The following KTN1 variants were observed in gnomAD, a reference collection of about 807,000 sequenced individuals.
The protein encoded by KTN1 is kinectin 1, also known as kinectin.
Under a neutral mutation model 222.5 loss-of-function variants are expected in KTN1, and 130 were observed. The ratio of observed to expected loss-of-function variants is 0.58; its 90% confidence interval spans 0.51 to 0.68. The LOEUF is 0.68. KTN1 is among the 30% of genes least tolerant of loss of function. The probability of loss-of-function intolerance (pLI) is 0.00; values close to 1 mark genes in which losing one functional copy is unlikely to be tolerated. For synonymous variants in KTN1, 512 were observed against 496.3 expected, an observed-to-expected ratio of 1.03 and a Z score of -0.42; for missense variants, 1,508 against 1,500.4, an observed-to-expected ratio of 1.01 and a Z score of -0.08.
intron 1 of KTN1, among the ~76,000 whole-genome samples, chr14:55,585,907 AT>A (rs1411098924): frequency 6.6e-6 from 1 of 152,164 alleles, no homozygotes; most frequent in African/African-American, 2.4e-5. Flanking sequence ...ATTTACCCTT[AT>A]TTCTTTATTT....
chr14:55,584,940 C>T (rs183933236), intron 1 of KTN1, among the ~76,000 whole-genome samples: 19 of 152,068 alleles, frequency 1.2e-4, no homozygotes, highest in African/African-American at 4.6e-4. Context: ...TGGGACCAGC[C>T]TGGGCAACGT....
intron 22 of KTN1, 142 bp from the exon 23 acceptor site, chr14:55,650,186 C>T: frequency 1.5e-6 from 1 of 659,066 alleles, no homozygotes; most frequent in East Asian, 2.6e-5. Context: ...TCACCCTGGC[C>T]ATTCTACAAA....
chr14:55,680,846 G>A (rs1595353955), intron 43 of KTN1: 6 of 530,774 alleles, frequency 1.1e-5, no homozygotes, highest in South Asian at 6.7e-5. Flanking sequence ...TCCTTGGTAA[G>A]CTGACTTCTC....
intron 9 of KTN1, 69 bp downstream of exon 9, chr14:55,634,727 G>C: frequency 1.4e-6 from 2 of 1,386,076 alleles, no homozygotes; most frequent in Non-Finnish European, 2.0e-6. Flanking sequence ...TTTCATACTG[G>C]TATGAAGAAC....
At chr14:55,671,911 C>A in intron 37 of KTN1, 34 bp downstream of exon 37, 1 of 1,260,720 alleles carries the variant, frequency 7.9e-7, no homozygotes. Context: ...AGCAGTGGTT[C>A]TCGATGTGTG....
chr14:55,596,425 G>A (rs2035050241), intron 1 of KTN1, among the ~76,000 whole-genome samples: 1 of 152,102 alleles, frequency 6.6e-6, no homozygotes. Context: ...TCTGTTGAAG[G>A]CAACATCTGT....
chr14:55,641,002 T>C, intron 16 of KTN1, 32 bp downstream of exon 16: 1 of 1,566,472 alleles, frequency 6.4e-7, no homozygotes, highest in Non-Finnish European at 8.8e-7. Context: ...TAGTCGTTCA[T>C]ACATTTATGT....
Position 55,637,475 on chromosome 14 carries a change from T to C in KTN1, c.1716+111T>C, listed in dbSNP as rs555738810. 21 of 803,798 alleles carry C rather than the reference T, an allele frequency of 2.6e-5. No individual in the cohort carries two copies. The South Asian group carries it at 4.6e-4, about 18-fold the overall frequency. 49.8% of individuals were successfully genotyped at this position (803,798 alleles called of 1,614,324 possible). ...CCTTATCCTAATTCTGAAATGATGA[T>C]GAATAATTATAACTTTGTCTTTTGA... On this transcript the variant is annotated intron_variant, in intron 11 of 43. Coordinates refer to ENST00000395314, the MANE Select transcript of KTN1 (RefSeq NM_001079521.2).
Position 55,671,336 on chromosome 14 carries a change from G to A in KTN1, c.3349-230G>A, listed in dbSNP as rs1349590702. The A allele has an allele frequency of 4.2e-5, 21 of 499,150 alleles. No homozygotes were observed. In the South Asian group the frequency reaches 5.5e-4, roughly 13 times the overall value. The allele number at this position is 499,150 out of a possible 1,614,324, so 30.9% of individuals were successfully genotyped here. A position where few individuals can be genotyped will look rare whatever the true frequency, so the allele number is the denominator to read the frequency against. On this transcript the variant is annotated intron_variant, in intron 35 of 43. Coordinates refer to ENST00000395314, the MANE Select transcript of KTN1 (RefSeq NM_001079521.2). ...TGGGTCTGCTTTGATCTTACCACCT[G>A]ACTAAAGACTTTAGTACCAAGACTA...
intron 1 of KTN1, among the ~76,000 whole-genome samples, chr14:55,610,966 C>A (rs2037467759): frequency 6.6e-6 from 1 of 152,202 alleles, no homozygotes; most frequent in African/African-American, 2.4e-5. Context: ...TGAGGCAAAG[C>A]CTTTTATTTA....
intron 1 of KTN1, among the ~76,000 whole-genome samples, chr14:55,610,822 G>GA (rs2037438204): frequency 6.6e-6 from 1 of 152,166 alleles, no homozygotes. Context: ...AATTTTAGCA[G>GA]AAACTACCCT....
At chr14:55,672,329 T>C (rs1233821508) in intron 37 of KTN1, 4 of 257,580 alleles carry the variant, frequency 1.6e-5, no homozygotes, top group Non-Finnish European at 2.9e-5. Flanking sequence ...ATGTGCAGAA[T>C]TTACAGTTGC....
chr14:55,641,314 A>G (rs1419018569), intron 17 of KTN1, 106 bp downstream of exon 17: 9 of 680,676 alleles, frequency 1.3e-5, no homozygotes, highest in African/African-American at 1.3e-4. Flanking sequence ...ACTCTGAAAC[A>G]GTGTTTCTGT....
At chr14:55,670,875 T>G in intron 35 of KTN1, 66 bp downstream of exon 35, 2 of 1,070,914 alleles carry the variant, frequency 1.9e-6, no homozygotes, top group Non-Finnish European at 2.8e-6. Flanking sequence ...AGATTTTGTC[T>G]TCATAAGCTT....
intron 31 of KTN1, among the ~76,000 whole-genome samples, chr14:55,660,114 C>T (rs1222503729): frequency 6.6e-6 from 1 of 152,106 alleles, no homozygotes; most frequent in Admixed American, 6.5e-5. Flanking sequence ...GATGTGGTAG[C>T]TCACGCCTGT....
intron 35 of KTN1, 61 bp downstream of exon 35, chr14:55,670,870 T>C: frequency 8.7e-7 from 1 of 1,143,858 alleles, no homozygotes; most frequent in South Asian, 1.4e-5. Context: ...AAATAAGATT[T>C]TGTCTTCATA....
intron 43 of KTN1, chr14:55,683,792 C>T (rs2046566442): frequency 3.6e-6 from 1 of 277,808 alleles, no homozygotes; most frequent in Non-Finnish European, 6.7e-6. Context: ...TTCAGTGCTA[C>T]TCACTCACTT....
At chr14:55,661,152 T>A (rs971246936) in intron 31 of KTN1, 2 of 155,068 alleles carry the variant, frequency 1.3e-5, no homozygotes, top group African/African-American at 4.8e-5. Context: ...GAAAAAAAAA[T>A]ATATTTAAGG....
In KTN1 at chr14:55,663,956, A is replaced by G. The variant is rs1236544039; in HGVS notation, c.3092A>G (p.Asp1031Gly). Residue 1031 changes from aspartate to glycine, a missense_variant and splice_region_variant, in exon 33 of 44, where the codon GAC becomes GGC. By Grantham distance (94) the Asp-to-Gly change is moderately conservative. Coordinates refer to ENST00000395314, the MANE Select transcript of KTN1 (RefSeq NM_001079521.2). ...AVEHQRKKNN[D>G]LREKNWEAME... ...ATCATTCTTTCTAAAAATGATTAGGACCTTCGGGAGAAAAACTGGGAAGCA... is the reference window on the plus strand; with the variant it reads ...ATCATTCTTTCTAAAAATGATTAGGGCCTTCGGGAGAAAAACTGGGAAGCA... The G allele has an allele frequency of 3.1e-6, 5 of 1,607,598 alleles. No homozygotes were observed. The highest frequency in any genetic ancestry group is 4.3e-6 in the Non-Finnish European group (5 of 1,174,716).
Sources: allele counts gnomAD v4.1 joint callset (sites outside exome capture counted in the v4.1 genomes callset), GRCh38; gene constraint gnomAD v4.1.1; transcripts MANE v1.5; gene names NCBI Gene and HGNC (gene_info 2026-07-23, HGNC 2026-07-21).